RYR2: variants seen among roughly 807,000 people sequenced by gnomAD.
The protein encoded by RYR2 is ryanodine receptor 2.
RYR2 carries 227 observed loss-of-function variants against 601.1 expected under a neutral mutation model. The observed-to-expected ratio is 0.38, with a 90% CI of 0.34 to 0.42. The LOEUF (loss-of-function observed/expected upper bound fraction) is 0.42, where lower values mean the gene tolerates loss of function less well. RYR2 is among the 10% of genes least tolerant of loss of function. RYR2 has a pLI of 1.00. For missense variants in RYR2, 4,646 were observed against 6,156.5 expected, an observed-to-expected ratio of 0.75 and a Z score of 8.21; for synonymous variants, 2,223 against 2,175.1, an observed-to-expected ratio of 1.02 and a Z score of -0.61.
chr1:237,709,414 GT>G lies in RYR2; in HGVS notation c.10143-54del, dbSNP rs35261418. 0.79 allele frequency: 570,688 copies of G among 723,708 alleles called. 217,254 individuals are homozygous for G. Among genetic ancestry groups the G allele is most frequent in the Middle Eastern group, 0.85 (3,288 of 3,874 alleles). 44.8% of individuals were successfully genotyped at this position (723,708 alleles called of 1,614,324 possible). A position where few individuals can be genotyped will look rare whatever the true frequency, so the allele number is the denominator to read the frequency against. Reference sequence around the variant, plus strand: ...CAGTACATTTAACTTTGGGGGGATGGTTTTTTTTTTTTAAATTAACTTTAAG... The same window carrying G: ...CAGTACATTTAACTTTGGGGGGATGGTTTTTTTTTTTAAATTAACTTTAAG... On this transcript the variant is annotated intron_variant, in intron 69 of 104. Transcript: ENST00000366574.
intron 89 of RYR2, 103 bp downstream of exon 89, chr1:237,781,749 A>G: frequency 1.9e-6 from 1 of 513,732 alleles, no homozygotes; most frequent in Non-Finnish European, 3.4e-6. Context: ...TAGCACTCAG[A>G]TATGATAGAT....
chr1:237,639,227 G>T, intron 46 of RYR2, 26 bp downstream of exon 46: 1 of 1,579,574 alleles, frequency 6.3e-7, no homozygotes, highest in Non-Finnish European at 8.6e-7. Flanking sequence ...ACACCCTCAC[G>T]AGTGATCCAT....
At chr1:237,379,710 C>T (rs1320322847) in intron 8 of RYR2, among the ~76,000 whole-genome samples, 1 of 152,128 alleles carries the variant, frequency 6.6e-6, no homozygotes, top group Non-Finnish European at 1.5e-5. Context: ...TCACAGAAGC[C>T]TCAACCTCCT....
intron 2 of RYR2, among the ~76,000 whole-genome samples, chr1:237,305,930 AT>A (rs1157123318): frequency 2.0e-5 from 3 of 152,234 alleles, no homozygotes; most frequent in African/African-American, 7.2e-5. Flanking sequence ...TTTGGAATAT[AT>A]GATACAAAGG....
At chr1:237,143,968 A>G (rs1298857717) in intron 1 of RYR2, among the ~76,000 whole-genome samples, 1 of 152,130 alleles carries the variant, frequency 6.6e-6, no homozygotes, top group Non-Finnish European at 1.5e-5. Flanking sequence ...ATTTCTACTA[A>G]AAATACAAAA....
At chr1:237,577,357 A>G (rs1273311561) in intron 29 of RYR2, among the ~76,000 whole-genome samples, 1 of 152,182 alleles carries the variant, frequency 6.6e-6, no homozygotes, top group Non-Finnish European at 1.5e-5. Flanking sequence ...ATCTGTGAAT[A>G]TGTTACTTTA....
chr1:237,497,655 C>T (rs928732605), intron 20 of RYR2, among the ~76,000 whole-genome samples: 2 of 152,102 alleles, frequency 1.3e-5, no homozygotes, highest in African/African-American at 4.8e-5. Flanking sequence ...AAATGATAGA[C>T]ATTTATGAAT....
intron 1 of RYR2, among the ~76,000 whole-genome samples, chr1:237,109,924 A>G (rs1669255867): frequency 6.6e-6 from 1 of 151,806 alleles, no homozygotes; most frequent in Non-Finnish European, 1.5e-5. Context: ...TGCCCAAAAT[A>G]ACAGGTGCCA....
At chr1:237,116,213 C>A (rs1168618172) in intron 1 of RYR2, among the ~76,000 whole-genome samples, 1 of 152,134 alleles carries the variant, frequency 6.6e-6, no homozygotes, top group Non-Finnish European at 1.5e-5. Flanking sequence ...GGGAACCAGG[C>A]TGAACGACTT....
intron 1 of RYR2, among the ~76,000 whole-genome samples, chr1:237,103,033 AAGAAC>A (rs1336136884): frequency 6.6e-6 from 1 of 152,188 alleles, no homozygotes; most frequent in East Asian, 1.9e-4. Flanking sequence ...AAAAACAACC[AAGAAC>A]AGTTTTATTT....
intron 56 of RYR2, among the ~76,000 whole-genome samples, chr1:237,662,980 G>A (rs530234240): frequency 1.3e-5 from 2 of 152,262 alleles, no homozygotes; most frequent in African/African-American, 4.8e-5. Context: ...TATTTCTGTG[G>A]AGGGCATTTG....
At chr1:237,194,808 T>C (rs986526499) in intron 1 of RYR2, among the ~76,000 whole-genome samples, 1 of 152,210 alleles carries the variant, frequency 6.6e-6, no homozygotes, top group Non-Finnish European at 1.5e-5. Context: ...AACATCATGC[T>C]GTCTTCAATT....
At chr1:237,625,838 C>G in intron 40 of RYR2, 34 bp downstream of exon 40, 7 of 1,606,310 alleles carry the variant, frequency 4.4e-6, no homozygotes, top group Non-Finnish European at 6.0e-6. Context: ...GCAGAATGAC[C>G]CAACTGCTGA....
chr1:237,778,397 C>CAAA (rs5781993), intron 87 of RYR2, among the ~76,000 whole-genome samples: 38 of 145,842 alleles, frequency 2.6e-4, no homozygotes, highest in East Asian at 1.0e-3. Flanking sequence ...AAAGCCAGAC[C>CAAA]AAAAAAAAAA....
At chr1:237,511,399 T>C (rs1026436002) in intron 23 of RYR2, among the ~76,000 whole-genome samples, 1 of 151,448 alleles carries the variant, frequency 6.6e-6, no homozygotes, top group African/African-American at 2.4e-5. Context: ...AAGCAAATGC[T>C]GCAAGGAGCT....
At chr1:237,240,272 A>G (rs952035134) in intron 1 of RYR2, among the ~76,000 whole-genome samples, 25 of 152,320 alleles carry the variant, frequency 1.6e-4, no homozygotes, top group Non-Finnish European at 2.1e-4. Context: ...TCAACACTAC[A>G]TAATTCTCTA....
intron 2 of RYR2, among the ~76,000 whole-genome samples, chr1:237,285,170 C>T (rs1367165078): frequency 1.3e-5 from 2 of 152,086 alleles, no homozygotes; most frequent in Non-Finnish European, 2.9e-5. Context: ...GAGGGTTTGT[C>T]TTAGATGGCT....
At position 237,087,516 on chromosome 1, in the gene RYR2, A is replaced by G. The variant is rs181650537; in HGVS notation, c.48+44947A>G. On this transcript the variant is annotated intron_variant, in intron 1 of 104. Coordinates refer to ENST00000366574, the MANE Select transcript of RYR2 (RefSeq NM_001035.3). ...ATAATGAGTAATGATTCACTCTTCA[A>G]GTACTATTTGAGGAGGTAGATTTAT... Among the ~76,000 whole-genome samples the G allele has an allele frequency of 1.4e-3, 207 of 152,304 alleles. 2 individuals are homozygous for G. The East Asian group carries it at 0.023, about 17-fold the overall frequency.
At chr1:237,808,729 T>C (rs183199014) in intron 99 of RYR2, among the ~76,000 whole-genome samples, 172 bp from the exon 100 acceptor site, 7 of 148,628 alleles carry the variant, frequency 4.7e-5, no homozygotes, top group Non-Finnish European at 1.5e-5. Flanking sequence ...AATATGAAAA[T>C]AAATGTCTGC....
Sources: allele counts gnomAD v4.1 joint callset (sites outside exome capture counted in the v4.1 genomes callset), GRCh38; gene constraint gnomAD v4.1.1; transcripts MANE v1.5; gene names NCBI Gene and HGNC (gene_info 2026-07-23, HGNC 2026-07-21).